WIZ: variants seen among roughly 807,000 people sequenced by gnomAD.
The protein encoded by WIZ is WIZ zinc finger.
A neutral mutation model predicts 140.2 loss-of-function variants in WIZ; 25 were observed. That is an observed-to-expected ratio of 0.18 (90% confidence interval 0.13 to 0.25). WIZ has a LOEUF of 0.25. WIZ is among the 10% of genes least tolerant of loss of function. WIZ has a pLI of 1.00. For missense variants in WIZ, 2,231 were observed against 2,632.6 expected (o/e 0.85, Z 3.34); for synonymous variants, 1,125 against 1,154.3 (o/e 0.97, Z 0.51).
chr19:15,430,677 C>T (rs1969171731), intron 6 of WIZ, among the ~76,000 whole-genome samples: 1 of 152,214 alleles, frequency 6.6e-6, no homozygotes, highest in Non-Finnish European at 1.5e-5. Flanking sequence ...TTAGGATCAA[C>T]AGACGAAGAA....
Position 15,439,981 on chromosome 19 carries a change from C to T in WIZ, c.1013G>A (p.Arg338His), listed in dbSNP as rs868130258. 26 of 1,535,666 alleles carry T rather than the reference C, an allele frequency of 1.7e-5. No individual in the cohort carries two copies. Among genetic ancestry groups the T allele is most frequent in the Middle Eastern group, 3.3e-4 (2 of 6,012 alleles). Residue 338 changes from arginine to histidine, a missense_variant, in exon 4 of 13, where the codon CGC (arginine) becomes CAC (histidine). Physicochemically the swap from Arg to His is conservative, Grantham distance 29. Coordinates refer to ENST00000673675, the MANE Select transcript of WIZ (RefSeq NM_001371589.1). The surrounding 1 kb of genome is among the most constrained non-coding windows in gnomAD (Gnocchi z 7.0). ...EHLLEHMSQH[R>H]RAPGQEPPAD... Reference sequence around the variant, plus strand: ...AGGGGGCTCCTGGCCCGGGGCTCGGCGGTGCTGGCTCATGTGCTCCAGGAG... The same window carrying T: ...AGGGGGCTCCTGGCCCGGGGCTCGGTGGTGCTGGCTCATGTGCTCCAGGAG...
At chr19:15,438,224 G>A (rs1007798438) in intron 4 of WIZ, among the ~76,000 whole-genome samples, 2 of 152,236 alleles carry the variant, frequency 1.3e-5, no homozygotes. Context: ...CCTGGACTGG[G>A]CCATGAACTC....
Position 15,440,058 on chromosome 19 carries a change from C to G in WIZ, c.936G>C (p.Pro312=). 1 of 1,535,878 alleles carries G rather than the reference C, an allele frequency of 6.5e-7. No homozygotes were observed. The highest frequency in any genetic ancestry group is 2.4e-5 in the East Asian group (1 of 40,880). Residue 312 remains proline, a synonymous_variant, in exon 4 of 13, where the codon CCG becomes CCC. Transcript: ENST00000673675. The surrounding 1 kb of genome is among the most constrained non-coding windows in gnomAD (Gnocchi z 6.2). ...TGCACTCGATGCATGGGAACACGGC[C>G]GGCTCCTCGTCCTCGTCCTCATCTG... is the stretch of plus-strand genomic sequence containing the variant. ...ASPDEDEDEE[P]AVFPCIECSI... is the part of the protein sequence containing the mutation.
Position 15,424,229 on chromosome 19 carries a change from T to A in WIZ, c.5464A>T (p.Thr1822Ser). 6.4e-7 allele frequency: 1 copy of A among 1,573,640 alleles called. No homozygotes were observed. The highest frequency in any genetic ancestry group is 8.6e-7 in the Non-Finnish European group (1 of 1,162,684). Residue 1822 changes from threonine (T) to serine (S), a missense_variant, in exon 12 of 13, where the codon ACA becomes TCA. By Grantham distance (58) the Thr-to-Ser change is moderately conservative. Around this residue, in one of 15 missense-constraint regions of WIZ, gnomAD observed 299 missense variants for 309.6 expected, o/e 0.97. Transcript: ENST00000673675. The surrounding 1 kb of genome is among the most constrained non-coding windows in gnomAD (Gnocchi z 9.7). Reference protein sequence around the residue: ...VPSLVPRPPQTSLVKFVGNIY... With the variant: ...VPSLVPRPPQSSLVKFVGNIY... ...TTGCCCACGAACTTGACAAGTGATG[T>A]CTGGGGGGGCCGGGGCACCAGGGAG...
chr19:15,438,482 G>T lies in WIZ; in HGVS notation c.2416+96C>A, dbSNP rs115370177. The T allele has an allele frequency of 2.8e-3, 3,796 of 1,335,542 alleles. 83 individuals carry two copies. The African/African-American group carries it at 0.052, about 18-fold the overall frequency. The allele number at this position is 1,335,542 out of a possible 1,614,324, so 82.7% of individuals were successfully genotyped here. A position where few individuals can be genotyped will look rare whatever the true frequency, so the allele number is the denominator to read the frequency against. ...AAGTCTCTCAGGAGCAGAGGCCCCA[G>T]TGTCCCCCTGCTTGGCGCTAAGGGA... On this transcript the variant is annotated intron_variant, in intron 4 of 12. Coordinates refer to ENST00000673675, the MANE Select transcript of WIZ (RefSeq NM_001371589.1).
chr19:15,428,594 T>G lies in WIZ; in HGVS notation c.3416-86A>C. 1 of 1,509,812 alleles carries G rather than the reference T, an allele frequency of 6.6e-7. No individual in the cohort carries two copies. The highest frequency in any genetic ancestry group is 2.1e-5 in the Admixed American group (1 of 48,754). 93.5% of individuals were successfully genotyped at this position (1,509,812 alleles called of 1,614,324 possible). ...GAGGTAGGAGGGTCTGGTGTGATTT[T>G]TGGCTGCTCAGGCAGTTGGGGGGTC... On this transcript the variant is annotated intron_variant, in intron 7 of 12. Coordinates refer to ENST00000673675, the MANE Select transcript of WIZ (RefSeq NM_001371589.1). This position sits in a 1 kb window ranked among gnomAD's most constrained non-coding sequence, Gnocchi z 6.4.
chr19:15,434,910 G>A (rs1295664445), intron 5 of WIZ, among the ~76,000 whole-genome samples: 1 of 152,218 alleles, frequency 6.6e-6, no homozygotes, highest in South Asian at 2.1e-4. Context: ...TGGCAAAGAA[G>A]ATGACCTATG....
Position 15,439,145 on chromosome 19 carries a change from C to G in WIZ, c.1849G>C (p.Glu617Gln). 2.6e-6 allele frequency: 4 copies of G among 1,523,658 alleles called. No homozygotes were observed. The highest frequency in any genetic ancestry group is 3.5e-6 in the Non-Finnish European group (4 of 1,140,250). The allele number at this position is 1,523,658 out of a possible 1,614,324, so 94.4% of individuals were successfully genotyped here. A position where few individuals can be genotyped will look rare whatever the true frequency, so the allele number is the denominator to read the frequency against. ...TCCTCCTCCTCCTCCTCCTCCTCCT[C>G]CTCTTCGCTCCAAGGGCGCCTCCGT... ...GERRRPWSEE[E>Q]EEEEEEEDVV... Residue 617 changes from glutamate to glutamine, a missense_variant, in exon 4 of 13, where the codon GAG becomes CAG. Physicochemically the swap from Glu to Gln is conservative, Grantham distance 29. Transcript: ENST00000673675. This position sits in a 1 kb window ranked among gnomAD's most constrained non-coding sequence, Gnocchi z 7.0.
In WIZ at chr19:15,428,025, C is replaced by T; in HGVS notation, c.3814+85G>A. On this transcript the variant is annotated intron_variant, in intron 8 of 12. Coordinates refer to ENST00000673675, the MANE Select transcript of WIZ (RefSeq NM_001371589.1). This position sits in a 1 kb window ranked among gnomAD's most constrained non-coding sequence, Gnocchi z 6.4. ...CAAGGGCCCCTGTCTACTCCCTGCC[C>T]CAGCAGGGAGGGGGCTGTGACCCCC... 1.3e-6 allele frequency: 2 copies of T among 1,490,030 alleles called. No homozygotes were observed. Among genetic ancestry groups the T allele is most frequent in the South Asian group, 2.5e-5 (2 of 78,756 alleles). The allele number at this position is 1,490,030 out of a possible 1,614,324, so 92.3% of individuals were successfully genotyped here.
chr19:15,423,309 C>T (rs1968493895), intron 12 of WIZ, 74 bp from the exon 13 acceptor site: 3 of 1,531,844 alleles, frequency 2.0e-6, no homozygotes, highest in East Asian at 4.7e-5. Flanking sequence ...GCCAGCATCC[C>T]TGGGCACACC....
At chr19:15,446,776 T>C (rs1043358745) in intron 2 of WIZ, among the ~76,000 whole-genome samples, 5 of 152,192 alleles carry the variant, frequency 3.3e-5, no homozygotes, top group Admixed American at 6.5e-5. Flanking sequence ...CATAACACGG[T>C]ATCATAACAT....
chr19:15,424,545 T>G lies in WIZ; in HGVS notation c.5314+68A>C. 1 of 1,536,620 alleles carries G rather than the reference T, an allele frequency of 6.5e-7. No homozygotes were observed. The highest frequency in any genetic ancestry group is 8.7e-7 in the Non-Finnish European group (1 of 1,146,514). The stretch of plus-strand genomic sequence containing the variant: ...GACTTAAGGGCCACAGCAGAGCGCC[T>G]GGGGAGTGGCTGGGTGGGCCTGACA... On this transcript the variant is annotated intron_variant, in intron 11 of 12. Transcript: ENST00000673675. This position sits in a 1 kb window ranked among gnomAD's most constrained non-coding sequence, Gnocchi z 9.7.
At position 15,428,563 on chromosome 19, in the gene WIZ, G is replaced by A. The variant is rs940258300; in HGVS notation, c.3416-55C>T. On this transcript the variant is annotated intron_variant, in intron 7 of 12. Coordinates refer to ENST00000673675, the MANE Select transcript of WIZ (RefSeq NM_001371589.1). This position sits in a 1 kb window ranked among gnomAD's most constrained non-coding sequence, Gnocchi z 6.4. ...CGGCCGCCACCTTGGCCGGCCTTGG[G>A]GGCCTGAGGTAGGAGGGTCTGGTGT... is the stretch of plus-strand genomic sequence containing the variant. 3.3e-6 allele frequency: 5 copies of A among 1,534,482 alleles called. No individual in the cohort carries two copies. The highest frequency in any genetic ancestry group is 1.4e-5 in the African/African-American group (1 of 73,124).
intron 1 of WIZ, 96 bp downstream of exon 1, chr19:15,449,702 G>A: frequency 1.4e-5 from 1 of 73,784 alleles, no homozygotes; most frequent in Admixed American, 1.7e-4. Flanking sequence ...CCCCCGCCCC[G>A]GGGGGTCCCG....
chr19:15,449,590 G>C (rs1411294622), intron 1 of WIZ: 1 of 151,832 alleles, frequency 6.6e-6, no homozygotes, highest in Non-Finnish European at 1.5e-5. Context: ...CCCGCGGGAC[G>C]CGCCGAGGTA....
intron 1 of WIZ, among the ~76,000 whole-genome samples, chr19:15,449,057 A>T (rs1461970568): frequency 7.6e-5 from 11 of 144,522 alleles, no homozygotes; most frequent in Admixed American, 7.5e-4. Context: ...CATTCCCCCC[A>T]CCCCCCAACC....
intron 5 of WIZ, among the ~76,000 whole-genome samples, chr19:15,432,850 GCGC>G (rs1969359760): frequency 6.6e-6 from 1 of 151,848 alleles, no homozygotes; most frequent in Non-Finnish European, 1.5e-5. Flanking sequence ...CGAGCGCCGA[GCGC>G]CGAGTGCCAC....
At chr19:15,431,570 G>A (rs1969241821) in intron 5 of WIZ, among the ~76,000 whole-genome samples, 1 of 152,180 alleles carries the variant, frequency 6.6e-6, no homozygotes, top group Non-Finnish European at 1.5e-5. Flanking sequence ...ACAACACCAG[G>A]GTCAGGAGGC....
rs1969717054 is a variant in WIZ, at chr19:15,440,831, G to A, written c.279-116C>T. The A allele has an allele frequency of 1.9e-6, 2 of 1,035,726 alleles. No individual in the cohort carries two copies. The highest frequency in any genetic ancestry group is 1.6e-5 in the African/African-American group (1 of 61,944). The allele number at this position is 1,035,726 out of a possible 1,614,324, so 64.2% of individuals were successfully genotyped here. Reference sequence around the variant, plus strand: ...GCAGGCCCCGGAGATCCAGCCCGAGGGTGACAGGGGTGTGGGGGTGAGGGT... The same window carrying A: ...GCAGGCCCCGGAGATCCAGCCCGAGAGTGACAGGGGTGTGGGGGTGAGGGT... On this transcript the variant is annotated intron_variant, in intron 3 of 12. Transcript: ENST00000673675. This position sits in a 1 kb window ranked among gnomAD's most constrained non-coding sequence, Gnocchi z 6.2.
Sources: gnomAD v4.1 joint callset for allele counts (sites outside exome capture counted in the v4.1 genomes callset) on GRCh38, gnomAD v4.1.1 for gene constraint, gnomAD v4.1.1 regional missense constraint, Gnocchi (gnomAD v3.1) non-coding constraint, MANE v1.5 for transcripts, NCBI Gene and HGNC (gene_info 2026-07-23, HGNC 2026-07-21) for gene names.